DYM: variants seen among roughly 807,000 people sequenced by gnomAD.
The protein encoded by DYM is dyggve-Melchior-Clausen syndrome protein.
In DYM, 78 loss-of-function variants were observed where a neutral mutation model predicts 93.1. That is an observed-to-expected ratio of 0.84 (90% CI 0.70 to 1.01). DYM has a LOEUF of 1.01. Among genes scored for constraint, DYM ranks in the 50% least tolerant of loss-of-function variants. The pLI is 0.00. For synonymous variants in DYM, 321 were observed against 319.7 expected (o/e 1.00, Z -0.04); for missense variants, 789 against 845.0 (o/e 0.93, Z 0.82).
intron 11 of DYM, among the ~76,000 whole-genome samples, chr18:49,264,086 A>G (rs1443564622): frequency 6.8e-6 from 1 of 146,668 alleles, no homozygotes; most frequent in East Asian, 2.0e-4. Context: ...ACTATCCTGA[A>G]ATTGGATGGG....
chr18:49,117,419 A>G (rs1487407918), intron 16 of DYM, among the ~76,000 whole-genome samples: 1 of 152,222 alleles, frequency 6.6e-6, no homozygotes, highest in African/African-American at 2.4e-5. Context: ...TTAATTGTGT[A>G]GATTCCAGAG....
At chr18:49,347,689 G>A (rs1390336371) in intron 6 of DYM, among the ~76,000 whole-genome samples, 2 of 152,120 alleles carry the variant, frequency 1.3e-5, no homozygotes. Context: ...CAAAAGCAAT[G>A]TTACATTTCT....
chr18:49,305,464 C>A (rs2061219564), intron 8 of DYM, among the ~76,000 whole-genome samples: 1 of 152,202 alleles, frequency 6.6e-6, no homozygotes, highest in African/African-American at 2.4e-5. Context: ...TTAGCTGACT[C>A]TTACCTCTTT....
chr18:49,368,172 A>T (rs1006832109), intron 5 of DYM, among the ~76,000 whole-genome samples: 2 of 152,206 alleles, frequency 1.3e-5, no homozygotes, highest in African/African-American at 4.8e-5. Flanking sequence ...GACTGCTATT[A>T]TTTTGGTCAA....
chr18:49,271,028 T>A (rs1022963000), intron 11 of DYM, among the ~76,000 whole-genome samples: 5 of 152,122 alleles, frequency 3.3e-5, no homozygotes, highest in African/African-American at 7.2e-5. Flanking sequence ...GTACAGTAAG[T>A]AAGACCTGCC....
intron 13 of DYM, among the ~76,000 whole-genome samples, chr18:49,222,796 C>A (rs2093412652): frequency 6.6e-6 from 1 of 152,114 alleles, no homozygotes; most frequent in African/African-American, 2.4e-5. Context: ...AAGGAAAATT[C>A]TTCTTTACAG....
intron 13 of DYM, among the ~76,000 whole-genome samples, chr18:49,251,666 C>A (rs541179885): frequency 1.3e-5 from 2 of 152,164 alleles, no homozygotes; most frequent in African/African-American, 4.8e-5. Context: ...CACCATAATC[C>A]TTTGAGATAG....
At chr18:49,049,450 A>G (rs1365960687) in intron 17 of DYM, among the ~76,000 whole-genome samples, 1 of 152,180 alleles carries the variant, frequency 6.6e-6, no homozygotes, top group Non-Finnish European at 1.5e-5. Flanking sequence ...TAGCTGAGTG[A>G]CCTTGGACTA....
intron 8 of DYM, among the ~76,000 whole-genome samples, chr18:49,316,529 A>G (rs1016529076): frequency 6.6e-6 from 1 of 152,232 alleles, no homozygotes; most frequent in Non-Finnish European, 1.5e-5. Flanking sequence ...AAATGCACAT[A>G]AGATGCAATT....
At chr18:49,296,888 CTTATGTGTA>C (rs756998366) in intron 8 of DYM, among the ~76,000 whole-genome samples, 4 of 152,146 alleles carry the variant, frequency 2.6e-5, no homozygotes, top group Admixed American at 6.6e-5. Context: ...TTGGATTATA[CTTATGTGTA>C]TTATATATAC....
At chr18:49,423,519 G>A (rs1178164652) in intron 2 of DYM, among the ~76,000 whole-genome samples, 2 of 152,150 alleles carry the variant, frequency 1.3e-5, no homozygotes, top group African/African-American at 2.4e-5. Context: ...TCAAAAGCTG[G>A]CAGAAGGCAA....
At chr18:49,260,369 G>C (rs548769223) in intron 11 of DYM, among the ~76,000 whole-genome samples, 1 of 152,312 alleles carries the variant, frequency 6.6e-6, no homozygotes, top group African/African-American at 2.4e-5. Context: ...GCGTAGCAGA[G>C]TGAGCACTAT....
chr18:49,431,578 CT>C (rs2080321041), intron 1 of DYM, among the ~76,000 whole-genome samples: 1 of 150,984 alleles, frequency 6.6e-6, no homozygotes, highest in Non-Finnish European at 1.5e-5. Context: ...CAGAAAAGTT[CT>C]CCCATTGAAT....
At chr18:49,091,269 C>T (rs1325145113) in intron 17 of DYM, among the ~76,000 whole-genome samples, 1 of 152,102 alleles carries the variant, frequency 6.6e-6, no homozygotes, top group Non-Finnish European at 1.5e-5. Flanking sequence ...CTTACATTAT[C>T]TAGGAGGATA....
rs532141146 is a variant in DYM at position 49,436,266 on chromosome 18, T to C, written c.-53-5819A>G. On this transcript the variant is annotated intron_variant, in intron 1 of 17. Coordinates refer to ENST00000675505, the MANE Select transcript of DYM (RefSeq NM_001353214.3). ...CCTGGCCTCAAGAGACCCTCTTGCC[T>C]AGGCTTCCCAAAGCACTGGAATTAG... 3.9e-5 allele frequency among the ~76,000 whole-genome samples: 6 copies of C among 152,326 alleles called. No individual in the cohort carries two copies. The East Asian group carries it at 1.2e-3, about 29-fold the overall frequency.
At chr18:49,152,261 G>A (rs1440426910) in intron 15 of DYM, among the ~76,000 whole-genome samples, 1 of 152,102 alleles carries the variant, frequency 6.6e-6, no homozygotes, top group East Asian at 1.9e-4. Flanking sequence ...GTAAGAAAAG[G>A]CAATAGTGTT....
chr18:49,435,681 CA>C (rs201409830), intron 1 of DYM, among the ~76,000 whole-genome samples: 2,075 of 152,130 alleles, frequency 0.014, 45 homozygotes, highest in African/African-American at 0.047. Flanking sequence ...CCCAGCTACT[CA>C]GGAGATTGAC....
chr18:49,062,725 C>T (rs754250355), intron 17 of DYM, among the ~76,000 whole-genome samples: 5 of 152,228 alleles, frequency 3.3e-5, no homozygotes, highest in African/African-American at 7.2e-5. Context: ...CTAGGGCTAA[C>T]GGTTCCAGCT....
chr18:49,411,072 T>C (rs1422257327), intron 2 of DYM, among the ~76,000 whole-genome samples: 1 of 152,304 alleles, frequency 6.6e-6, no homozygotes, highest in South Asian at 2.1e-4. Flanking sequence ...AATGGGAGTA[T>C]CCTCACTTTA....
Sources: allele counts gnomAD v4.1 joint callset (sites outside exome capture counted in the v4.1 genomes callset), GRCh38; gene constraint gnomAD v4.1.1; transcripts MANE v1.5; gene names NCBI Gene and HGNC (gene_info 2026-07-23, HGNC 2026-07-21).